The following C8orf74 variants were observed in gnomAD, a reference collection of about 807,000 sequenced individuals.
C8orf74 encodes the protein chromosome 8 open reading frame 74, also known as uncharacterized protein C8orf74.
Under a neutral mutation model 22.2 loss-of-function variants are expected in C8orf74, and 29 were observed. The ratio of observed to expected loss-of-function variants is 1.31; its 90% CI spans 0.97 to 1.78. The LOEUF is 1.78. Ranked by LOEUF, C8orf74 falls within the 40% of genes most tolerant of loss-of-function variation. The probability of loss-of-function intolerance (pLI) is 0.00; values close to 1 mark genes in which losing one functional copy is unlikely to be tolerated. For missense variants in C8orf74, 515 were observed against 369.9 expected (o/e 1.39, Z -3.22); for synonymous variants, 255 against 163.1 (o/e 1.56, Z -4.30).
intron 2 of C8orf74, chr8:10,692,840 G>C (rs1449883406): frequency 3.9e-5 from 6 of 152,238 alleles, no homozygotes; most frequent in African/African-American, 1.4e-4. Context: ...CCTGGGAGCT[G>C]GGCACTGCTC....
At chr8:10,688,834 T>C (rs1586043860) in intron 2 of C8orf74, 1 of 152,246 alleles carries the variant, frequency 6.6e-6, no homozygotes, top group Non-Finnish European at 1.5e-5. Flanking sequence ...AGGGACCACT[T>C]GTGCTGCAGT....
At chr8:10,678,592 TAAAAAAA>T (rs60385154) in intron 2 of C8orf74, among the ~76,000 whole-genome samples, 21 of 130,972 alleles carry the variant, frequency 1.6e-4, no homozygotes, top group Admixed American at 1.3e-3. Context: ...GGAAGTAATT[TAAAAAAA>T]AAAAAAAAAA....
At position 10,697,968 on chromosome 8, in the gene C8orf74, C is replaced by T. The variant is rs1223256191; in HGVS notation, c.611C>T (p.Ala204Val). ...TCGCTGCAGAAGGCGTTCGCTGCCGCCGCGCCTGCGCAGCCCGGCCAGGTC... is the reference window on the plus strand; with the variant it reads ...TCGCTGCAGAAGGCGTTCGCTGCCGTCGCGCCTGCGCAGCCCGGCCAGGTC... ...ENSLQKAFAA[A>V]APAQPGQVLE... Residue 204 changes from alanine to valine, a missense_variant, in exon 3 of 4, where the codon GCC becomes GTC. Transcript: ENST00000304519. The T allele has an allele frequency of 1.3e-6, 2 of 1,527,160 alleles. No homozygotes were observed. Among genetic ancestry groups the T allele is most frequent in the South Asian group, 1.2e-5 (1 of 80,440 alleles). The allele number at this position is 1,527,160 out of a possible 1,614,324, so 94.6% of individuals were successfully genotyped here. A position where few individuals can be genotyped will look rare whatever the true frequency, so the allele number is the denominator to read the frequency against.
chr8:10,677,083 A>T (rs1487810014), intron 2 of C8orf74, among the ~76,000 whole-genome samples: 1 of 151,942 alleles, frequency 6.6e-6, no homozygotes, highest in Non-Finnish European at 1.5e-5. Flanking sequence ...GTGCACAGAA[A>T]ACTCCTCTCC....
At chr8:10,687,971 C>T (rs571580452) in intron 2 of C8orf74, among the ~76,000 whole-genome samples, 7 of 152,142 alleles carry the variant, frequency 4.6e-5, no homozygotes, top group African/African-American at 1.4e-4. Flanking sequence ...TTTGGGAGGC[C>T]GAGGTGGGTG....
chr8:10,689,224 G>T (rs530018195), intron 2 of C8orf74: 2 of 152,232 alleles, frequency 1.3e-5, no homozygotes, highest in South Asian at 2.1e-4. Flanking sequence ...CTGAAGCTCA[G>T]GTCCTGACTT....
chr8:10,689,457 A>G (rs1019639731), intron 2 of C8orf74: 7 of 152,220 alleles, frequency 4.6e-5, no homozygotes, highest in Non-Finnish European at 8.8e-5. Flanking sequence ...TGTTGAGCTC[A>G]TTAGCATATT....
At chr8:10,683,186 C>G (rs1563157908) in intron 2 of C8orf74, among the ~76,000 whole-genome samples, 2 of 152,254 alleles carry the variant, frequency 1.3e-5, no homozygotes, top group Non-Finnish European at 2.9e-5. Flanking sequence ...CACACACCTG[C>G]TGACTTCCTA....
intron 2 of C8orf74, among the ~76,000 whole-genome samples, chr8:10,677,777 G>A (rs1799063639): frequency 6.6e-6 from 1 of 152,178 alleles, no homozygotes; most frequent in Non-Finnish European, 1.5e-5. Context: ...TGTTGGTCAT[G>A]ATGCTCCTGT....
intron 2 of C8orf74, among the ~76,000 whole-genome samples, chr8:10,680,569 G>C (rs1005268132): frequency 1.3e-5 from 2 of 152,196 alleles, no homozygotes; most frequent in Non-Finnish European, 2.9e-5. Flanking sequence ...GGTGCTCACT[G>C]TCTACACCCT....
chr8:10,694,752 T>A (rs1296423266), intron 2 of C8orf74, among the ~76,000 whole-genome samples: 2 of 152,344 alleles, frequency 1.3e-5, no homozygotes, highest in African/African-American at 2.4e-5. Flanking sequence ...TTTCTTTTCC[T>A]TTCACAAATG....
chr8:10,672,674 C>G lies in C8orf74; in HGVS notation c.9C>G (p.Leu3=). The G allele has an allele frequency of 1.3e-6, 2 of 1,565,668 alleles. No homozygotes were observed. Among genetic ancestry groups the G allele is most frequent in the Non-Finnish European group, 1.7e-6 (2 of 1,154,740 alleles). ...AACCAGATGCAGGGGCCATGGCACT[C>G]TTAACACCCCAGGGAGTGAAAGAAG... The part of the protein sequence containing the change: MA[L]LTPQGVKEVF... The change falls in exon 1 of 4, where the codon CTC becomes CTG. Residue 3 remains leucine, a synonymous_variant. Coordinates refer to ENST00000304519, the MANE Select transcript of C8orf74 (RefSeq NM_001040032.2).
rs191640104 is a variant in C8orf74 at position 10,675,379 on chromosome 8, C to T, written c.241+541C>T. ...TGAGGAGCTGTGGTCACTCCACCCA[C>T]CTCTTGGGCAATGAAGTGCAGATTC... On this transcript the variant is annotated intron_variant, in intron 2 of 3. Coordinates refer to ENST00000304519, the MANE Select transcript of C8orf74 (RefSeq NM_001040032.2). 7.9e-5 allele frequency among the ~76,000 whole-genome samples: 12 copies of T among 152,348 alleles called. No homozygotes were observed. The East Asian group carries it at 1.5e-3, about 20-fold the overall frequency.
chr8:10,690,614 G>C (rs1799358199), intron 2 of C8orf74, among the ~76,000 whole-genome samples: 1 of 152,126 alleles, frequency 6.6e-6, no homozygotes, highest in Non-Finnish European at 1.5e-5. Context: ...GGGTACCTGA[G>C]TCCACCCGCT....
chr8:10,691,303 C>T (rs1227852309), intron 2 of C8orf74: 6 of 228,246 alleles, frequency 2.6e-5, no homozygotes, highest in Middle Eastern at 1.7e-3. Flanking sequence ...CACCCAGGCA[C>T]GGCTGCTGAG....
intron 2 of C8orf74, among the ~76,000 whole-genome samples, chr8:10,686,842 C>T (rs1165685731): frequency 6.6e-6 from 1 of 152,128 alleles, no homozygotes; most frequent in African/African-American, 2.4e-5. Flanking sequence ...TAAGTGGTGT[C>T]CTATTCCCCT....
At chr8:10,681,357 C>T (rs1586035019) in intron 2 of C8orf74, among the ~76,000 whole-genome samples, 1 of 152,174 alleles carries the variant, frequency 6.6e-6, no homozygotes. Context: ...GTGAAGCCAC[C>T]AGCCGTGGCA....
In C8orf74 at chr8:10,693,878, G is replaced by A. The variant is rs578233545; in HGVS notation, c.242-3721G>A. ...GCTTCTAAGTGTGGCATCCATCCAA[G>A]GCCCTTGGGTCTGTCTTCCACCCAC... On this transcript the variant is annotated intron_variant, in intron 2 of 3. Coordinates refer to ENST00000304519, the MANE Select transcript of C8orf74 (RefSeq NM_001040032.2). Among the ~76,000 whole-genome samples, 22 of 152,316 alleles carry A rather than the reference G, an allele frequency of 1.4e-4. 1 individual carries two copies. The South Asian group carries it at 4.6e-3, about 32-fold the overall frequency.
In C8orf74 at chr8:10,697,733, C is replaced by G. The variant is rs1799555873; in HGVS notation, c.376C>G (p.Gln126Glu). The change falls in exon 3 of 4, where the codon CAG (glutamine) becomes GAG (glutamate). Residue 126 changes from glutamine (Q) to glutamate (E), a missense_variant. By Grantham distance (29) the Gln-to-Glu change is conservative. Transcript: ENST00000304519. The part of the protein sequence containing the change: ...HTFIRHYKLY[Q>E]YVLGQDQQVD... ...CTTCATCCGCCACTACAAACTCTAC[C>G]AGTATGTCCTGGGCCAGGACCAGCA... 1.2e-6 allele frequency: 2 copies of G among 1,613,934 alleles called. No individual in the cohort carries two copies. Among genetic ancestry groups the G allele is most frequent in the African/African-American group, 2.7e-5 (2 of 74,938 alleles).
Sources: gnomAD v4.1 joint callset for allele counts (sites outside exome capture counted in the v4.1 genomes callset) on GRCh38, gnomAD v4.1.1 for gene constraint, MANE v1.5 for transcripts, NCBI Gene and HGNC (gene_info 2026-07-23, HGNC 2026-07-21) for gene names.